MRRF: variants seen among roughly 807,000 people sequenced by gnomAD.
MRRF encodes the protein ribosome-recycling factor, mitochondrial.
In MRRF, 18 loss-of-function variants were observed where a neutral mutation model predicts 25.1. That is an observed-to-expected ratio of 0.72 (90% CI 0.50 to 1.06). The LOEUF is 1.06. MRRF is among the 50% of genes least tolerant of loss of function. The probability of loss-of-function intolerance (pLI) is 0.00; values close to 1 mark genes in which losing one functional copy is unlikely to be tolerated. For synonymous variants in MRRF, 113 were observed against 112.1 expected, an observed-to-expected ratio of 1.01 and a Z score of -0.05; for missense variants, 323 against 319.3, an observed-to-expected ratio of 1.01 and a Z score of -0.09.
intron 3 of MRRF, among the ~76,000 whole-genome samples, chr9:122,283,977 TG>T (rs1833233816): frequency 6.7e-6 from 1 of 149,468 alleles, no homozygotes. Flanking sequence ...TTGTTGTTGT[TG>T]TTGTTGTTGT....
At chr9:122,265,719 G>T (rs1228520472) in intron 1 of MRRF, 1 of 1,284,600 alleles carries the variant, frequency 7.8e-7, no homozygotes, top group Admixed American at 2.3e-5. Flanking sequence ...TAGAGCTGCC[G>T]CAAATGCTTT....
At chr9:122,286,156 G>A in intron 4 of MRRF, 2 of 1,279,514 alleles carry the variant, frequency 1.6e-6, no homozygotes, top group Non-Finnish European at 2.0e-6. Context: ...TTCCTCATCT[G>A]CTAATATAAG....
chr9:122,297,903 G>A (rs1413896445), intron 5 of MRRF, among the ~76,000 whole-genome samples: 5 of 152,150 alleles, frequency 3.3e-5, no homozygotes, highest in Non-Finnish European at 1.5e-5. Context: ...AACCCGATTG[G>A]TATTTTAATG....
At chr9:122,289,124 A>G (rs1341451054) in intron 4 of MRRF, among the ~76,000 whole-genome samples, 1 of 152,244 alleles carries the variant, frequency 6.6e-6, no homozygotes, top group African/African-American at 2.4e-5. Context: ...AGGAAAATAC[A>G]TGTAGAATTC....
chr9:122,271,743 CTTA>C (rs1184256492), intron 2 of MRRF, among the ~76,000 whole-genome samples: 6 of 152,144 alleles, frequency 3.9e-5, no homozygotes, highest in Non-Finnish European at 8.8e-5. Context: ...CTATATTGTT[CTTA>C]TTTAGCACCT....
At chr9:122,320,213 G>A (rs914170061) in intron 6 of MRRF, among the ~76,000 whole-genome samples, 1 of 152,078 alleles carries the variant, frequency 6.6e-6, no homozygotes, top group Non-Finnish European at 1.5e-5. Flanking sequence ...GGAAGTGATA[G>A]TAAAAGTTAT....
chr9:122,314,843 A>G (rs1935411576), intron 6 of MRRF, among the ~76,000 whole-genome samples: 1 of 152,206 alleles, frequency 6.6e-6, no homozygotes, highest in Admixed American at 6.5e-5. Context: ...AGATAGAATT[A>G]GTAATGTTCA....
intron 5 of MRRF, among the ~76,000 whole-genome samples, chr9:122,296,338 T>G (rs536220460): frequency 1.3e-5 from 2 of 152,244 alleles, no homozygotes; most frequent in East Asian, 3.8e-4. Flanking sequence ...AATAGTTTCT[T>G]CTATTTTTCC....
intron 6 of MRRF, among the ~76,000 whole-genome samples, chr9:122,314,799 C>T (rs919555847): frequency 6.6e-6 from 1 of 152,070 alleles, no homozygotes; most frequent in Non-Finnish European, 1.5e-5. Flanking sequence ...GTGATGGTGG[C>T]CTGAACCTGA....
At chr9:122,298,469 C>T (rs1370845235) in intron 5 of MRRF, among the ~76,000 whole-genome samples, 2 of 152,166 alleles carry the variant, frequency 1.3e-5, no homozygotes, top group African/African-American at 4.8e-5. Context: ...ATATGTGTCC[C>T]TGTGACTACT....
intron 3 of MRRF, among the ~76,000 whole-genome samples, chr9:122,283,012 A>C (rs1286690540): frequency 6.6e-6 from 1 of 152,164 alleles, no homozygotes; most frequent in East Asian, 1.9e-4. Context: ...AATAGTCAGC[A>C]TTTAGTGGGA....
intron 3 of MRRF, among the ~76,000 whole-genome samples, chr9:122,282,425 C>T (rs1413217286): frequency 1.3e-5 from 2 of 152,108 alleles, no homozygotes; most frequent in East Asian, 3.9e-4. Flanking sequence ...ATATATTGTC[C>T]CCACCTTCCA....
chr9:122,286,499 G>C (rs1374995703), intron 4 of MRRF, among the ~76,000 whole-genome samples: 1 of 152,144 alleles, frequency 6.6e-6, no homozygotes, highest in East Asian at 1.9e-4. Context: ...GAAGCCAGGA[G>C]TTCAAGACCA....
In MRRF at chr9:122,320,449, G is replaced by A. The variant is rs1835827453; in HGVS notation, c.712-2091G>A. Among the ~76,000 whole-genome samples, 3 of 152,096 alleles carry A rather than the reference G, an allele frequency of 2.0e-5. No individual in the cohort carries two copies. The South Asian group carries it at 6.2e-4, about 32-fold the overall frequency. On this transcript the variant is annotated intron_variant, in intron 6 of 6. Coordinates refer to ENST00000344641, the MANE Select transcript of MRRF (RefSeq NM_138777.5). Reference sequence around the variant, plus strand: ...AACTACCCTCAAAGCCATTTTTCCAGAGGAGGCTTTTAGCCATCATTCCTG... The same window carrying A: ...AACTACCCTCAAAGCCATTTTTCCAAAGGAGGCTTTTAGCCATCATTCCTG...
At chr9:122,321,478 G>C (rs766981780) in intron 6 of MRRF, among the ~76,000 whole-genome samples, 1 of 152,132 alleles carries the variant, frequency 6.6e-6, no homozygotes, top group African/African-American at 2.4e-5. Flanking sequence ...TAGAACTTCA[G>C]AAAATTTTTT....
intron 4 of MRRF, among the ~76,000 whole-genome samples, chr9:122,288,630 C>CA (rs1343532930): frequency 1.3e-5 from 2 of 152,168 alleles, no homozygotes; most frequent in Non-Finnish European, 2.9e-5. Context: ...TTAAGACAGA[C>CA]TATGTGTCTA....
chr9:122,291,722 C>T (rs1336599062), intron 4 of MRRF, 27 bp from the exon 5 acceptor site: 1 of 1,507,344 alleles, frequency 6.6e-7, no homozygotes, highest in East Asian at 2.3e-5. Context: ...TTTACTAATT[C>T]TGTTTACCTT....
chr9:122,291,157 G>T (rs563248803), intron 4 of MRRF, among the ~76,000 whole-genome samples: 1 of 152,302 alleles, frequency 6.6e-6, no homozygotes, highest in South Asian at 2.1e-4. Flanking sequence ...ATGGTTACCA[G>T]AGCTGGGATG....
chr9:122,287,112 C>T (rs913521102), intron 4 of MRRF, among the ~76,000 whole-genome samples: 1 of 152,242 alleles, frequency 6.6e-6, no homozygotes, highest in African/African-American at 2.4e-5. Context: ...TTCCTGACCT[C>T]TCCAATCTAA....
Sources: gnomAD v4.1 joint callset for allele counts (sites outside exome capture counted in the v4.1 genomes callset) on GRCh38, gnomAD v4.1.1 for gene constraint, MANE v1.5 for transcripts, NCBI Gene and HGNC (gene_info 2026-07-23, HGNC 2026-07-21) for gene names.